Variants in ADCY2 observed in about 807,000 individuals in gnomAD.
ADCY2 encodes adenylate cyclase 2, also known as adenylate cyclase type 2.
Under a neutral mutation model 125.2 loss-of-function variants are expected in ADCY2, and 31 were observed. The ratio of observed to expected loss-of-function variants is 0.25; its 90% CI spans 0.19 to 0.33. The LOEUF is 0.33. Ranked by LOEUF, ADCY2 falls within the 10% of genes least tolerant of loss-of-function variation. The pLI, the probability that ADCY2 is intolerant of heterozygous loss-of-function variation, is 1.00. For missense variants in ADCY2, 904 were observed against 1,418.2 expected (o/e 0.64, Z 5.82); for synonymous variants, 512 against 548.4 (o/e 0.93, Z 0.93).
intron 21 of ADCY2, 130 bp from the exon 22 acceptor site, chr5:7,804,455 G>T: frequency 1.4e-6 from 1 of 736,998 alleles, no homozygotes; most frequent in African/African-American, 1.7e-5. Context: ...CAGGGCCCAA[G>T]GGTGCATACG....
intron 17 of ADCY2, among the ~76,000 whole-genome samples, chr5:7,767,066 A>G (rs182011752): frequency 1.3e-5 from 2 of 152,302 alleles, no homozygotes; most frequent in East Asian, 3.9e-4. Context: ...CTTAACCACT[A>G]CAGCATTTCT....
intron 2 of ADCY2, among the ~76,000 whole-genome samples, chr5:7,416,320 C>T (rs1000529343): frequency 1.2e-4 from 19 of 152,146 alleles, no homozygotes; most frequent in Admixed American, 5.2e-4. Flanking sequence ...ACCCGGCGGG[C>T]GCCATCACCT....
At chr5:7,537,896 A>T (rs71604176) in intron 3 of ADCY2, among the ~76,000 whole-genome samples, 16,074 of 152,138 alleles carry the variant, frequency 0.11, 1,074 homozygotes, top group East Asian at 0.27. Context: ...ACTGTTGTTA[A>T]GTCTGTTCTA....
At chr5:7,664,574 C>G (rs1739650287) in intron 4 of ADCY2, among the ~76,000 whole-genome samples, 1 of 152,108 alleles carries the variant, frequency 6.6e-6, no homozygotes, top group African/African-American at 2.4e-5. Context: ...TTTCTGTGAC[C>G]CTGTATATCA....
At chr5:7,775,941 C>T (rs1560980082) in intron 18 of ADCY2, among the ~76,000 whole-genome samples, 1 of 152,256 alleles carries the variant, frequency 6.6e-6, no homozygotes, top group East Asian at 1.9e-4. Flanking sequence ...ATGATGTCCA[C>T]TTAAAACTAA....
intron 2 of ADCY2, among the ~76,000 whole-genome samples, chr5:7,448,808 T>TG (rs1741372538): frequency 6.6e-6 from 1 of 152,200 alleles, no homozygotes; most frequent in Non-Finnish European, 1.5e-5. Context: ...GACATGATCT[T>TG]GTTCCTTTCT....
intron 15 of ADCY2, among the ~76,000 whole-genome samples, chr5:7,748,845 G>A (rs765890739): frequency 1.3e-5 from 2 of 152,160 alleles, no homozygotes; most frequent in Non-Finnish European, 2.9e-5. Flanking sequence ...AAGGGCCCTT[G>A]GAGGTAATAT....
chr5:7,433,605 T>C (rs1334922883), intron 2 of ADCY2, among the ~76,000 whole-genome samples: 1 of 152,138 alleles, frequency 6.6e-6, no homozygotes, highest in Non-Finnish European at 1.5e-5. Flanking sequence ...GTGGAACAGT[T>C]AGATAACTTT....
At chr5:7,812,220 CA>C (rs563696789) in intron 22 of ADCY2, among the ~76,000 whole-genome samples, 98 of 152,150 alleles carry the variant, frequency 6.4e-4, no homozygotes, top group African/African-American at 1.9e-3. Flanking sequence ...AAATGAAAAG[CA>C]AAAAATCCTA....
chr5:7,757,754 C>T (rs4072340), intron 16 of ADCY2, among the ~76,000 whole-genome samples, 168 bp downstream of exon 16: 77,133 of 152,020 alleles, frequency 0.51, 20,585 homozygotes, highest in African/African-American at 0.67. Flanking sequence ...GCAGGCAGGG[C>T]GTTCTTCCCT....
At chr5:7,612,634 G>C (rs566875847) in intron 3 of ADCY2, among the ~76,000 whole-genome samples, 6 of 152,202 alleles carry the variant, frequency 3.9e-5, no homozygotes, top group South Asian at 2.1e-4. Flanking sequence ...GCTCCGGGAG[G>C]GGGTAGGGAA....
chr5:7,524,787 A>G (rs965167846), intron 3 of ADCY2, among the ~76,000 whole-genome samples: 7 of 152,064 alleles, frequency 4.6e-5, no homozygotes, highest in Admixed American at 1.3e-4. Context: ...CTCCTTACCT[A>G]TGGTGTTCAC....
chr5:7,810,107 T>C (rs1744885534), intron 22 of ADCY2, among the ~76,000 whole-genome samples: 1 of 152,182 alleles, frequency 6.6e-6, no homozygotes, highest in South Asian at 2.1e-4. Flanking sequence ...CCATGGACTT[T>C]AGAGAAAACT....
chr5:7,549,174 A>G (rs1735246477), intron 3 of ADCY2, among the ~76,000 whole-genome samples: 1 of 152,214 alleles, frequency 6.6e-6, no homozygotes, highest in South Asian at 2.1e-4. Context: ...TGCTGCTGTA[A>G]CAAATGACCC....
At chr5:7,565,543 C>T (rs1331164038) in intron 3 of ADCY2, among the ~76,000 whole-genome samples, 1 of 152,188 alleles carries the variant, frequency 6.6e-6, no homozygotes, top group Non-Finnish European at 1.5e-5. Flanking sequence ...GATTTGGAAA[C>T]AGACTGTGGC....
intron 3 of ADCY2, among the ~76,000 whole-genome samples, chr5:7,570,132 A>G (rs558918516): frequency 6.6e-6 from 1 of 152,148 alleles, no homozygotes; most frequent in Non-Finnish European, 1.5e-5. Context: ...TCCCTGAATG[A>G]TTAAATTTCC....
At chr5:7,703,926 C>A (rs757845905) in intron 7 of ADCY2, among the ~76,000 whole-genome samples, 4 of 150,944 alleles carry the variant, frequency 2.6e-5, no homozygotes, top group Admixed American at 2.0e-4. Context: ...CACTTGAACC[C>A]AGGAGATGGA....
At chr5:7,677,188 G>A (rs1740157385) in intron 4 of ADCY2, among the ~76,000 whole-genome samples, 1 of 152,172 alleles carries the variant, frequency 6.6e-6, no homozygotes, top group East Asian at 1.9e-4. Context: ...TGAGGCAGGA[G>A]AATCGCTTGA....
chr5:7,761,053 A>G (rs894734783), intron 16 of ADCY2, among the ~76,000 whole-genome samples: 2 of 150,338 alleles, frequency 1.3e-5, no homozygotes, highest in East Asian at 2.0e-4. Context: ...ATATCCATCT[A>G]TGTTGTTGCA....
Sources: allele counts gnomAD v4.1 joint callset (sites outside exome capture counted in the v4.1 genomes callset), GRCh38; gene constraint gnomAD v4.1.1; transcripts MANE v1.5; gene names NCBI Gene and HGNC (gene_info 2026-07-23, HGNC 2026-07-21).